ZNF248: variants seen among roughly 807,000 people sequenced by gnomAD.
ZNF248 encodes zinc finger protein 248.
In ZNF248, 20 loss-of-function variants were observed where a neutral mutation model predicts 44.3. That is an observed-to-expected ratio of 0.45 (90% CI 0.32 to 0.66). The LOEUF is 0.66. ZNF248 is among the 30% of genes least tolerant of loss of function. ZNF248 has a pLI of 0.04. For missense variants in ZNF248, 654 were observed against 677.0 expected (o/e 0.97, Z 0.38); for synonymous variants, 224 against 229.0 (o/e 0.98, Z 0.20).
chr10:37,820,697 A>G (rs1314356434), intron 6 of ZNF248: 2 of 1,365,120 alleles, frequency 1.5e-6, no homozygotes, highest in African/African-American at 2.9e-5. Flanking sequence ...GGGAGTCTCT[A>G]CTTCTTTATC....
At chr10:37,794,106 T>A (rs913082295) in intron 6 of ZNF248, among the ~76,000 whole-genome samples, 7 of 152,214 alleles carry the variant, frequency 4.6e-5, no homozygotes, top group African/African-American at 1.7e-4. Context: ...TCATATATAA[T>A]GAGTTTGGTT....
chr10:37,785,375 T>C (rs1471167633), intron 6 of ZNF248, among the ~76,000 whole-genome samples: 1 of 152,192 alleles, frequency 6.6e-6, no homozygotes, highest in Non-Finnish European at 1.5e-5. Context: ...CTGCCCATGA[T>C]GTGGGGTTAC....
chr10:37,765,608 C>A, the ZNF248 span, among the ~76,000 whole-genome samples: 1 of 152,186 alleles, frequency 6.6e-6, no homozygotes, highest in Admixed American at 6.5e-5. Context: ...CTTAAGTCCA[C>A]AAATCACCAC....
chr10:37,784,091 G>C (rs987595158), intron 6 of ZNF248: 1 of 152,508 alleles, frequency 6.6e-6, no homozygotes, highest in African/African-American at 2.4e-5. Flanking sequence ...TGGGATTATA[G>C]GCGTGAGCCA....
At chr10:37,758,665 A>G in the ZNF248 span, among the ~76,000 whole-genome samples, 1 of 152,226 alleles carries the variant, frequency 6.6e-6, no homozygotes, top group South Asian at 2.1e-4. Flanking sequence ...TTCTGCTCAA[A>G]GAAGCAGGAG....
downstream of ZNF248, chr10:37,776,299 T>C (rs1274921208): frequency 3.1e-6 from 1 of 324,234 alleles, no homozygotes; most frequent in Non-Finnish European, 5.6e-6. Context: ...CACATATCTT[T>C]TCTGAGACGT....
chr10:37,849,581 G>T, intron 3 of ZNF248, among the ~76,000 whole-genome samples: 1 of 152,082 alleles, frequency 6.6e-6, no homozygotes, highest in East Asian at 1.9e-4. Context: ...CAGGTACTCA[G>T]GAGGCTGAGG....
chr10:37,820,870 C>A, intron 6 of ZNF248: 1 of 1,262,660 alleles, frequency 7.9e-7, no homozygotes, highest in African/African-American at 1.5e-5. Context: ...TTTCTTCTTG[C>A]ATATTTATTG....
chr10:37,821,479 TAC>T (rs1247439932), intron 6 of ZNF248, among the ~76,000 whole-genome samples: 1 of 152,170 alleles, frequency 6.6e-6, no homozygotes, highest in Non-Finnish European at 1.5e-5. Flanking sequence ...GTCCAGCTCT[TAC>T]TAGACGGCCT....
At position 37,831,663 on chromosome 10, in the gene ZNF248, G is replaced by C; in HGVS notation, c.1692C>G (p.Thr564=). The stretch of plus-strand genomic sequence containing the variant: ...CCCTTGTGTGAATTCTCTGATGTTT[G>C]GTGAGCACTGACCTCTGACTAAAGG... ...GKTFSQRSVL[T]KHQRIHTRVK... Residue 564 remains threonine (T), a synonymous_variant, in exon 6 of 6, where the codon ACC becomes ACG. Coordinates refer to ENST00000395867, the MANE Select transcript of ZNF248 (RefSeq NM_021045.3). 2 of 1,613,812 alleles carry C rather than the reference G, an allele frequency of 1.2e-6. No individual in the cohort carries two copies. Among genetic ancestry groups the C allele is most frequent in the Non-Finnish European group, 1.7e-6 (2 of 1,179,850 alleles).
At chr10:37,767,092 C>T in the ZNF248 span, among the ~76,000 whole-genome samples, 9,798 of 152,030 alleles carry the variant, frequency 0.064, 451 homozygotes, top group Non-Finnish European at 0.088. Context: ...TAAAAAGAAA[C>T]GAGCAAAGCC....
At chr10:37,816,005 AAGAG>A (rs1554823683) in intron 6 of ZNF248, among the ~76,000 whole-genome samples, 30 of 149,348 alleles carry the variant, frequency 2.0e-4, no homozygotes, top group East Asian at 1.2e-3. Flanking sequence ...AAAAAAAAAA[AAGAG>A]AGAGAGAGAG....
At chr10:37,778,751 C>A (rs1324303756) in intron 6 of ZNF248, among the ~76,000 whole-genome samples, 1 of 149,000 alleles carries the variant, frequency 6.7e-6, no homozygotes, top group Admixed American at 6.7e-5. Context: ...AAAGGATCAA[C>A]AAAATAGACT....
downstream of ZNF248, among the ~76,000 whole-genome samples, chr10:37,827,381 T>C (rs2054542340): frequency 6.6e-6 from 1 of 152,154 alleles, no homozygotes. Context: ...AAGAAACCAA[T>C]AACAGAGAGT....
chr10:37,796,195 G>A (rs1159039300), intron 6 of ZNF248: 1 of 151,040 alleles, frequency 6.6e-6, no homozygotes, highest in Non-Finnish European at 1.5e-5. Context: ...TACCTGTGGT[G>A]TTCTCCAAAC....
chr10:37,815,063 T>G (rs1463526046), intron 6 of ZNF248, among the ~76,000 whole-genome samples: 1 of 152,082 alleles, frequency 6.6e-6, no homozygotes, highest in East Asian at 1.9e-4. Context: ...CTTTCTTCAT[T>G]TTTTTTTCAG....
the ZNF248 span, among the ~76,000 whole-genome samples, chr10:37,769,718 A>G: frequency 1.3e-5 from 2 of 152,210 alleles, no homozygotes; most frequent in Non-Finnish European, 2.9e-5. Flanking sequence ...GGCACAAGAC[A>G]GGGATGCCCT....
chr10:37,817,386 T>C (rs1269944190), intron 6 of ZNF248, among the ~76,000 whole-genome samples: 2 of 144,972 alleles, frequency 1.4e-5, no homozygotes, highest in Non-Finnish European at 3.1e-5. Context: ...AAAAAAAAAA[T>C]AGCACTTCAA....
At chr10:37,794,570 T>TA (rs2048916481) in intron 6 of ZNF248, 1 of 161,706 alleles carries the variant, frequency 6.2e-6, no homozygotes, top group Non-Finnish European at 1.4e-5. Context: ...CCACATCTGA[T>TA]ACATTCATAA....
Sources: allele counts gnomAD v4.1 joint callset (sites outside exome capture counted in the v4.1 genomes callset), GRCh38; gene constraint gnomAD v4.1.1; transcripts MANE v1.5; gene names NCBI Gene and HGNC (gene_info 2026-07-23, HGNC 2026-07-21).